MEMO1: variants seen among roughly 807,000 people sequenced by gnomAD.
MEMO1 encodes mediator of cell motility 1.
MEMO1 carries 6 observed loss-of-function variants against 45.2 expected under a neutral mutation model. The ratio of observed to expected loss-of-function variants is 0.13; its 90% CI spans 0.07 to 0.26. The LOEUF is 0.26. Ranked by LOEUF, MEMO1 falls within the 10% of genes least tolerant of loss-of-function variation. The pLI is 1.00. For synonymous variants in MEMO1, 78 were observed against 124.3 expected (o/e 0.63, Z 2.48); for missense variants, 184 against 370.5 (o/e 0.50, Z 4.13).
intron 5 of MEMO1, among the ~76,000 whole-genome samples, chr2:31,918,639 G>A (rs768311669): frequency 2.6e-5 from 4 of 152,138 alleles, no homozygotes; most frequent in East Asian, 1.9e-4. Context: ...ATATAAATTC[G>A]CCACAATACC....
chr2:32,002,186 T>TATATATACAC (rs753352927), intron 2 of MEMO1, among the ~76,000 whole-genome samples: 10 of 116,060 alleles, frequency 8.6e-5, no homozygotes, highest in African/African-American at 3.2e-4. Flanking sequence ...TATATATATA[T>TATATATACAC]ACACACACAC....
chr2:31,899,968 A>T (rs1421057881), intron 6 of MEMO1, among the ~76,000 whole-genome samples: 2 of 152,234 alleles, frequency 1.3e-5, no homozygotes, highest in Non-Finnish European at 2.9e-5. Flanking sequence ...TGCAAATCAA[A>T]ACCACAGTGT....
intron 2 of MEMO1, among the ~76,000 whole-genome samples, chr2:32,002,319 A>T (rs1203821456): frequency 6.9e-6 from 1 of 145,178 alleles, no homozygotes; most frequent in Non-Finnish European, 1.5e-5. Context: ...ATACATACAC[A>T]TATATACATA....
At chr2:31,955,786 T>G (rs1377670027) in intron 2 of MEMO1, among the ~76,000 whole-genome samples, 1 of 152,144 alleles carries the variant, frequency 6.6e-6, no homozygotes, top group Non-Finnish European at 1.5e-5. Flanking sequence ...TTTTGTATTT[T>G]CAGTAAAGAC....
At chr2:31,871,929 G>A (rs1450827429) in intron 8 of MEMO1, among the ~76,000 whole-genome samples, 2 of 151,488 alleles carry the variant, frequency 1.3e-5, no homozygotes, top group Admixed American at 6.6e-5. Flanking sequence ...CAGGAGAATC[G>A]CTTGAACCTG....
chr2:31,936,426 A>ACAGCT, intron 3 of MEMO1, among the ~76,000 whole-genome samples: 1 of 152,314 alleles, frequency 6.6e-6, no homozygotes, highest in South Asian at 2.1e-4. Flanking sequence ...CTTGCCTCTA[A>ACAGCT]AAATTGATCC....
At chr2:31,893,281 G>A (rs1052074653) in intron 6 of MEMO1, 35 of 1,123,836 alleles carry the variant, frequency 3.1e-5, no homozygotes, top group Non-Finnish European at 3.8e-5. Context: ...CAGATCTCCA[G>A]TCCCTCTGCA....
At chr2:31,892,240 A>G (rs1462754299) in intron 6 of MEMO1, 106 bp from the exon 7 acceptor site, 2 of 928,302 alleles carry the variant, frequency 2.2e-6, no homozygotes, top group African/African-American at 3.3e-5. Flanking sequence ...AGTGGTAAGG[A>G]TAACATATGT....
chr2:31,980,451 ATTTTTAGATT>A (rs1481991125), intron 2 of MEMO1, among the ~76,000 whole-genome samples: 1 of 152,046 alleles, frequency 6.6e-6, no homozygotes. Context: ...TAAATATATA[ATTTTTAGATT>A]TTTTTTATTT....
intron 2 of MEMO1, among the ~76,000 whole-genome samples, chr2:31,965,528 G>A (rs1302591303): frequency 1.3e-5 from 2 of 152,190 alleles, no homozygotes; most frequent in Admixed American, 6.5e-5. Context: ...TATTATAAAT[G>A]AGAACAAAGT....
chr2:31,872,682 T>C (rs979361942), intron 8 of MEMO1, among the ~76,000 whole-genome samples: 7 of 152,050 alleles, frequency 4.6e-5, no homozygotes, highest in Admixed American at 3.3e-4. Context: ...AAATAAAAAA[T>C]TGAGATGATG....
At chr2:31,870,097 G>A in intron 8 of MEMO1, 145 bp from the exon 9 acceptor site, 1 of 663,848 alleles carries the variant, frequency 1.5e-6, no homozygotes, top group Non-Finnish European at 2.2e-6. Context: ...TAAACCTTGT[G>A]AAACATCAAA....
intron 2 of MEMO1, among the ~76,000 whole-genome samples, chr2:31,996,419 A>G (rs530152022): frequency 7.2e-5 from 11 of 152,020 alleles, no homozygotes; most frequent in African/African-American, 2.4e-4. Flanking sequence ...GGTGGTGCAC[A>G]CCCGTAGTCC....
intron 2 of MEMO1, among the ~76,000 whole-genome samples, chr2:31,972,778 C>A (rs956756102): frequency 1.3e-5 from 2 of 151,968 alleles, no homozygotes; most frequent in Non-Finnish European, 2.9e-5. Flanking sequence ...GGATTAATAC[C>A]CAGAATATAT....
chr2:31,983,153 C>A (rs554134582), intron 2 of MEMO1, among the ~76,000 whole-genome samples: 1 of 151,794 alleles, frequency 6.6e-6, no homozygotes, highest in Admixed American at 6.6e-5. Context: ...CCCAGCTACT[C>A]GAGAGGCTGA....
intron 2 of MEMO1, among the ~76,000 whole-genome samples, chr2:31,946,892 C>G (rs907746444): frequency 2.6e-5 from 4 of 152,142 alleles, no homozygotes; most frequent in Non-Finnish European, 5.9e-5. Flanking sequence ...TTTCCCTTTT[C>G]TATGTTTACA....
At chr2:31,901,655 T>C (rs1175301847) in intron 6 of MEMO1, among the ~76,000 whole-genome samples, 2 of 151,878 alleles carry the variant, frequency 1.3e-5, no homozygotes, top group Non-Finnish European at 2.9e-5. Context: ...GCCTGTAATC[T>C]CAACACTTTG....
intron 5 of MEMO1, among the ~76,000 whole-genome samples, chr2:31,919,733 G>A (rs1681986527): frequency 6.6e-6 from 1 of 151,990 alleles, no homozygotes; most frequent in South Asian, 2.1e-4. Flanking sequence ...TGGGGTAGGA[G>A]GATCACTTGA....
chr2:31,935,088 T>C (rs1664756260), intron 3 of MEMO1, among the ~76,000 whole-genome samples: 2 of 152,148 alleles, frequency 1.3e-5, no homozygotes, highest in Admixed American at 1.3e-4. Context: ...ACTCCAACCA[T>C]ATGAGGTAGG....
Sources: gnomAD v4.1 joint callset for allele counts (sites outside exome capture counted in the v4.1 genomes callset) on GRCh38, gnomAD v4.1.1 for gene constraint, MANE v1.5 for transcripts, NCBI Gene and HGNC (gene_info 2026-07-23, HGNC 2026-07-21) for gene names.